Variants in AOPEP observed in about 807,000 individuals in gnomAD.
AOPEP encodes aminopeptidase O.
In AOPEP, 77 loss-of-function variants were observed where a neutral mutation model predicts 98.1. The ratio of observed to expected loss-of-function variants is 0.78; its 90% CI spans 0.65 to 0.95. AOPEP has a LOEUF of 0.95. AOPEP is among the 40% of genes least tolerant of loss of function. The pLI is 0.00. For missense variants in AOPEP, 1,024 were observed against 1,024.7 expected, an observed-to-expected ratio of 1.00 and a Z score of 0.01; for synonymous variants, 346 against 365.3, an observed-to-expected ratio of 0.95 and a Z score of 0.60.
chr9:95,121,466 T>C, the AOPEP span, among the ~76,000 whole-genome samples: 1 of 152,228 alleles, frequency 6.6e-6, no homozygotes, highest in African/African-American at 2.4e-5. Context: ...GAAATGAGTC[T>C]GGCAGGATCT....
chr9:95,106,699 C>T, the AOPEP span, among the ~76,000 whole-genome samples: 12 of 152,142 alleles, frequency 7.9e-5, no homozygotes, highest in African/African-American at 2.9e-4. Context: ...GGTTGCTTTG[C>T]GAGCCCATTC....
chr9:94,759,799 GA>G lies in AOPEP; in HGVS notation c.17del (p.Asp6AlafsTer18). 1 of 1,613,878 alleles carries G rather than the reference GA, an allele frequency of 6.2e-7. No homozygotes were observed. The highest frequency in any genetic ancestry group is 8.5e-7 in the Non-Finnish European group (1 of 1,179,914). On this transcript the variant is annotated frameshift_variant, in exon 2 of 17. Transcript: ENST00000375315. LOFTEE classifies it high-confidence loss of function. MDIQL[D>X]PARDDLPLMA... Reference sequence around the variant, plus strand: ...AAACCACATCATGGACATACAGCTGGACCCTGCCAGAGATGACCTGCCTCTC... The same window carrying G: ...AAACCACATCATGGACATACAGCTGGCCCTGCCAGAGATGACCTGCCTCTC...
chr9:94,894,181 A>G (rs2049201440), intron 5 of AOPEP, among the ~76,000 whole-genome samples: 2 of 152,330 alleles, frequency 1.3e-5, no homozygotes, highest in African/African-American at 2.4e-5. Flanking sequence ...CAATAAAATC[A>G]ACCTACAGAA....
At chr9:94,785,230 C>T (rs191081807) in intron 3 of AOPEP, among the ~76,000 whole-genome samples, 72 of 152,264 alleles carry the variant, frequency 4.7e-4, no homozygotes, top group African/African-American at 1.4e-3. Flanking sequence ...CCACTGCGCC[C>T]GGCCCAAAAA....
intron 13 of AOPEP, among the ~76,000 whole-genome samples, chr9:95,047,390 T>C (rs1271018152): frequency 4.6e-5 from 7 of 152,238 alleles, no homozygotes; most frequent in Non-Finnish European, 1.0e-4. Context: ...ATCAAATCAG[T>C]ATTGTCAAAG....
chr9:95,003,569 A>C (rs1405540147), intron 11 of AOPEP, among the ~76,000 whole-genome samples: 1 of 152,240 alleles, frequency 6.6e-6, no homozygotes, highest in African/African-American at 2.4e-5. Context: ...CTTTAAAATT[A>C]AGCAGCTCAG....
At position 94,894,325 on chromosome 9, in the gene AOPEP, A is replaced by T. The variant is rs2049222855; in HGVS notation, c.1365-29661A>T. Among the ~76,000 whole-genome samples, 3 of 152,186 alleles carry T rather than the reference A, an allele frequency of 2.0e-5. No individual in the cohort carries two copies. The South Asian group carries it at 6.2e-4, about 32-fold the overall frequency. ...GAGATAACATTGGCTAACTGCATTA[A>T]GAGGGGAAAGAGAAAAACTCACTAA... On this transcript the variant is annotated intron_variant, in intron 5 of 16. Transcript: ENST00000375315.
Position 95,084,508 on chromosome 9 carries a change from T to C in AOPEP, c.*4+1789T>C, listed in dbSNP as rs2070349381. 2.0e-5 allele frequency among the ~76,000 whole-genome samples: 3 copies of C among 152,162 alleles called. No homozygotes were observed. In the South Asian group the frequency reaches 6.2e-4, roughly 32 times the overall value. ...CTCACTGCCGGCCTCATAATAGTAA[T>C]CAGTGTAAATGGTGTTTCTCTTTCG... is the stretch of plus-strand genomic sequence containing the variant. On this transcript the variant is annotated intron_variant, in intron 16 of 16. Coordinates refer to ENST00000375315, the MANE Select transcript of AOPEP (RefSeq NM_001193329.3).
intron 3 of AOPEP, among the ~76,000 whole-genome samples, chr9:94,776,804 A>G (rs959026039): frequency 6.6e-6 from 1 of 151,852 alleles, no homozygotes; most frequent in African/African-American, 2.4e-5. Context: ...TGTATTATGT[A>G]TTTTCTAGGA....
the AOPEP span, among the ~76,000 whole-genome samples, chr9:95,129,027 T>C: frequency 0.49 from 75,062 of 151,666 alleles, 19,192 homozygotes; most frequent in East Asian, 0.62. Context: ...CTTAGCCTCC[T>C]GAGTAGCTGG....
chr9:94,966,423 G>A (rs1445183973), intron 9 of AOPEP, among the ~76,000 whole-genome samples: 1 of 152,216 alleles, frequency 6.6e-6, no homozygotes, highest in East Asian at 1.9e-4. Flanking sequence ...GTCTGTATTT[G>A]CAGACTTGGT....
In AOPEP at chr9:94,944,627, C is replaced by T. The variant is rs114211582; in HGVS notation, c.1662-10550C>T. 6.8e-3 allele frequency among the ~76,000 whole-genome samples: 1,028 copies of T among 152,252 alleles called. 10 individuals are homozygous for T. The highest frequency in any genetic ancestry group is 0.024 in the African/African-American group (978 of 41,540). ...TCCCCGAGGCTGGAGTGCCATGGCACGATCATGGCTCACTGCAGCCTTAAC... is the reference window on the plus strand; with the variant it reads ...TCCCCGAGGCTGGAGTGCCATGGCATGATCATGGCTCACTGCAGCCTTAAC... On this transcript the variant is annotated intron_variant, in intron 7 of 16. Transcript: ENST00000375315.
At position 94,773,127 on chromosome 9, in the gene AOPEP, T is replaced by G; in HGVS notation, c.923T>G (p.Met308Arg). 6.2e-7 allele frequency: 1 copy of G among 1,614,120 alleles called. No homozygotes were observed. Among genetic ancestry groups the G allele is most frequent in the South Asian group, 1.1e-5 (1 of 91,082 alleles). The change falls in exon 3 of 17, where the codon ATG becomes AGG. Residue 308 changes from methionine (M) to arginine (R), a missense_variant. Met to Arg is a moderately conservative substitution (Grantham distance 91). This residue lies in a region of AOPEP where 440 missense variants were observed against 433.8 expected (regional missense o/e 1.01). Coordinates refer to ENST00000375315, the MANE Select transcript of AOPEP (RefSeq NM_001193329.3). ...VRAAASFVVL[M>R]SGENSAKPTQ... is the part of the protein sequence containing the mutation. ...GCAGCTGCATCTTTTGTTGTTTTAATGAGTGGGGAAAATTCTGCCAAACCA... is the reference window on the plus strand; with the variant it reads ...GCAGCTGCATCTTTTGTTGTTTTAAGGAGTGGGGAAAATTCTGCCAAACCA...
intron 3 of AOPEP, among the ~76,000 whole-genome samples, chr9:94,782,172 A>G (rs1333940845): frequency 6.6e-6 from 1 of 151,954 alleles, no homozygotes; most frequent in African/African-American, 2.4e-5. Context: ...CCTGGGCGAC[A>G]GAGTGAGACT....
intron 5 of AOPEP, among the ~76,000 whole-genome samples, chr9:94,905,468 C>T (rs999812772): frequency 7.9e-5 from 12 of 152,020 alleles, no homozygotes; most frequent in African/African-American, 2.4e-4. Context: ...CTAAGAGTTC[C>T]GTAAAATAAG....
chr9:95,038,029 TGTCC>T (rs936583947), intron 13 of AOPEP, among the ~76,000 whole-genome samples: 4 of 152,166 alleles, frequency 2.6e-5, no homozygotes. Context: ...TCCAGCTGTC[TGTCC>T]GTCCATGCTC....
intron 5 of AOPEP, among the ~76,000 whole-genome samples, chr9:94,819,784 G>A (rs1852589914): frequency 6.6e-6 from 1 of 151,618 alleles, no homozygotes; most frequent in African/African-American, 2.4e-5. Context: ...CGTTGCCTAG[G>A]CTAGTCTTAA....
rs559379294 is a variant in AOPEP, at chr9:94,754,984, A to G, written c.-135-4665A>G. ...TTAGTATGTGATCCTCTTCCCCCTT[A>G]AGAAAAATATTACTGTACGCTAATC... is the stretch of plus-strand genomic sequence containing the variant. On this transcript the variant is annotated intron_variant, in intron 1 of 16. Transcript: ENST00000375315. 6.6e-5 allele frequency among the ~76,000 whole-genome samples: 10 copies of G among 152,304 alleles called. No individual in the cohort carries two copies. In the South Asian group the frequency reaches 2.1e-3, roughly 32 times the overall value.
At chr9:94,959,290 A>C (rs181854787) in intron 9 of AOPEP, among the ~76,000 whole-genome samples, 205 of 152,084 alleles carry the variant, frequency 1.3e-3, no homozygotes, top group Non-Finnish European at 2.2e-3. Context: ...TGATCCACCC[A>C]CCTCAGCCTC....
Sources: gnomAD v4.1 joint callset for allele counts (sites outside exome capture counted in the v4.1 genomes callset) on GRCh38, gnomAD v4.1.1 for gene constraint, gnomAD v4.1.1 regional missense constraint, MANE v1.5 for transcripts, NCBI Gene and HGNC (gene_info 2026-07-23, HGNC 2026-07-21) for gene names.